PXK: variants seen among roughly 807,000 people sequenced by gnomAD.
The protein encoded by PXK is PX domain containing serine/threonine kinase like.
PXK carries 35 observed loss-of-function variants against 84.7 expected under a neutral mutation model. The observed-to-expected ratio is 0.41, with a 90% CI of 0.32 to 0.55. PXK has a LOEUF of 0.55. PXK is among the 20% of genes least tolerant of loss of function. PXK has a pLI of 0.21. For missense variants in PXK, 634 were observed against 699.7 expected (o/e 0.91, Z 1.06); for synonymous variants, 253 against 260.8 (o/e 0.97, Z 0.29).
intron 1 of PXK, among the ~76,000 whole-genome samples, chr3:58,349,521 A>G (rs1030085445): frequency 1.3e-5 from 2 of 151,670 alleles, no homozygotes; most frequent in Non-Finnish European, 2.9e-5. Context: ...ACGCCTGGCT[A>G]ATTTTTGTAT....
In PXK at chr3:58,384,785, T is replaced by C. The variant is rs1233593462; in HGVS notation, c.388+2085T>C. Among the ~76,000 whole-genome samples, 3 of 152,322 alleles carry C rather than the reference T, an allele frequency of 2.0e-5. No homozygotes were observed. In the South Asian group the frequency reaches 6.2e-4, roughly 32 times the overall value. On this transcript the variant is annotated intron_variant, in intron 4 of 17. Transcript: ENST00000356151. ...GATGCCATTTATTCAACAAATGTGATGTGTGCTGGGTGTTGGGATGCAGGC... is the reference window on the plus strand; with the variant it reads ...GATGCCATTTATTCAACAAATGTGACGTGTGCTGGGTGTTGGGATGCAGGC...
Position 58,397,305 on chromosome 3 carries a change from G to C in PXK, c.984+105G>C, listed in dbSNP as rs2057839041. On this transcript the variant is annotated intron_variant, in intron 10 of 17. Transcript: ENST00000356151. The surrounding 1 kb of genome is among the most constrained non-coding windows in gnomAD (Gnocchi z 4.7). ...GCACCAAGTAGTGAAAGGTATAGTT[G>C]GGACAGGCCTTGCCCGTCAGCCCTT... 4 of 1,354,414 alleles carry C rather than the reference G, an allele frequency of 3.0e-6. No individual in the cohort carries two copies. The highest frequency in any genetic ancestry group is 4.1e-6 in the Non-Finnish European group (4 of 972,228). The allele number at this position is 1,354,414 out of a possible 1,614,324, so 83.9% of individuals were successfully genotyped here. A position where few individuals can be genotyped will look rare whatever the true frequency, so the allele number is the denominator to read the frequency against.
intron 1 of PXK, among the ~76,000 whole-genome samples, chr3:58,362,748 C>G (rs1342914564): frequency 2.0e-5 from 3 of 152,198 alleles, no homozygotes; most frequent in Non-Finnish European, 4.4e-5. Context: ...AGGTCTTGCT[C>G]TCTTGCCCAG....
intron 1 of PXK, among the ~76,000 whole-genome samples, chr3:58,342,433 A>G (rs2097753325): frequency 2.6e-5 from 4 of 152,154 alleles, no homozygotes; most frequent in Non-Finnish European, 5.9e-5. Context: ...GCTTGAGTTC[A>G]AGACCAGCCT....
At position 58,408,695 on chromosome 3, in the gene PXK, TG is replaced by T. The variant is rs1300009168; in HGVS notation, c.1231-228del. On this transcript the variant is annotated intron_variant, in intron 13 of 17. Transcript: ENST00000356151. ...CCACCACCACGCCCGGCTAATTTTTTGTATTTTTAGTAGAGATGGGATTTCA... is the reference window on the plus strand; with the variant it reads ...CCACCACCACGCCCGGCTAATTTTTTTATTTTTAGTAGAGATGGGATTTCA... Among the ~76,000 whole-genome samples, 6 of 152,244 alleles carry T rather than the reference TG, an allele frequency of 3.9e-5. No individual in the cohort carries two copies. The East Asian group carries it at 1.2e-3, about 29-fold the overall frequency.
intron 3 of PXK, among the ~76,000 whole-genome samples, chr3:58,376,213 G>C (rs2098440618): frequency 6.6e-6 from 1 of 152,048 alleles, no homozygotes. Flanking sequence ...TCAAGAGTTT[G>C]AGACCAGCCT....
chr3:58,347,874 G>A (rs2097850641), intron 1 of PXK, among the ~76,000 whole-genome samples: 1 of 152,108 alleles, frequency 6.6e-6, no homozygotes, highest in South Asian at 2.1e-4. Context: ...AAAATGAGGT[G>A]CAAAAAGAGT....
rs1461383225 is a variant in PXK at position 58,397,055 on chromosome 3, A to G, written c.839A>G (p.His280Arg). 3 of 1,614,004 alleles carry G rather than the reference A, an allele frequency of 1.9e-6. No homozygotes were observed. Among genetic ancestry groups the G allele is most frequent in the South Asian group, 1.1e-5 (1 of 91,076 alleles). The change falls in exon 10 of 18, where the codon CAT becomes CGT. Residue 280 changes from histidine to arginine, a missense_variant. Coordinates refer to ENST00000356151, the MANE Select transcript of PXK (RefSeq NM_017771.5). The surrounding 1 kb of genome is among the most constrained non-coding windows in gnomAD (Gnocchi z 4.7). Reference sequence around the variant, plus strand: ...TTTTGATAGGTACTGAAGTTTCTTCATGACAAGGGATTCCCTTATGGGCAT... The same window carrying G: ...TTTTGATAGGTACTGAAGTTTCTTCGTGACAAGGGATTCCCTTATGGGCAT... The part of the protein sequence containing the change: ...RQILEVLKFL[H>R]DKGFPYGHLH...
rs1043310944 is a variant in PXK at position 58,399,814 on chromosome 3, C to T, written c.1181+437C>T. Among the ~76,000 whole-genome samples, 9 of 151,936 alleles carry T rather than the reference C, an allele frequency of 5.9e-5. No homozygotes were observed. The highest frequency in any genetic ancestry group is 1.2e-4 in the Non-Finnish European group (8 of 68,016). On this transcript the variant is annotated intron_variant, in intron 12 of 17. Coordinates refer to ENST00000356151, the MANE Select transcript of PXK (RefSeq NM_017771.5). The surrounding 1 kb of genome is among the most constrained non-coding windows in gnomAD (Gnocchi z 4.3). Reference sequence around the variant, plus strand: ...GGTCTGCCCTCCAGGAAGAGGGCAACGTGTTTCTGAGCACCCATGCTTCTG... The same window carrying T: ...GGTCTGCCCTCCAGGAAGAGGGCAATGTGTTTCTGAGCACCCATGCTTCTG...
At chr3:58,357,438 C>A (rs1486905933) in intron 1 of PXK, among the ~76,000 whole-genome samples, 1 of 152,154 alleles carries the variant, frequency 6.6e-6, no homozygotes, top group Non-Finnish European at 1.5e-5. Context: ...GATAGCAATG[C>A]CTTCTGGACA....
At chr3:58,420,213 G>A (rs1476921220) in intron 17 of PXK, among the ~76,000 whole-genome samples, 2 of 152,244 alleles carry the variant, frequency 1.3e-5, no homozygotes, top group African/African-American at 4.8e-5. Context: ...TTTCTGAAGT[G>A]AGCGTCATGC....
chr3:58,421,469 T>C lies in PXK; in HGVS notation c.1529-3283T>C. ...GGTACCACGCGCCTGTAATCCCAGCTACTCGGGAGGCTGAGGCAGAGAATC... is the reference window on the plus strand; with the variant it reads ...GGTACCACGCGCCTGTAATCCCAGCCACTCGGGAGGCTGAGGCAGAGAATC... On this transcript the variant is annotated intron_variant, in intron 17 of 17. Coordinates refer to ENST00000356151, the MANE Select transcript of PXK (RefSeq NM_017771.5). The surrounding 1 kb of genome is among the most constrained non-coding windows in gnomAD (Gnocchi z 5.5). 1 of 792,114 alleles carries C rather than the reference T, an allele frequency of 1.3e-6. No individual in the cohort carries two copies. Among genetic ancestry groups the C allele is most frequent in the South Asian group, 5.7e-5 (1 of 17,462 alleles). The allele number at this position is 792,114 out of a possible 1,614,324, so 49.1% of individuals were successfully genotyped here.
At chr3:58,417,913 C>G (rs968297466) in intron 17 of PXK, among the ~76,000 whole-genome samples, 18 of 152,214 alleles carry the variant, frequency 1.2e-4, no homozygotes, top group Admixed American at 1.0e-3. Context: ...GCAATCACGG[C>G]TCACTGCAGC....
chr3:58,354,448 G>C, intron 1 of PXK, among the ~76,000 whole-genome samples: 1 of 143,264 alleles, frequency 7.0e-6, no homozygotes, highest in South Asian at 2.2e-4. Flanking sequence ...CTGCTTCCTA[G>C]TTTTTTTTTT....
At chr3:58,413,970 G>C (rs2060593415) in intron 17 of PXK, 1 of 152,302 alleles carries the variant, frequency 6.6e-6, no homozygotes, top group Non-Finnish European at 1.5e-5. Flanking sequence ...ACTTCTGGCT[G>C]AGGGTGGCTA....
At chr3:58,359,054 T>G (rs970659222) in intron 1 of PXK, among the ~76,000 whole-genome samples, 3 of 152,144 alleles carry the variant, frequency 2.0e-5, no homozygotes, top group Non-Finnish European at 4.4e-5. Flanking sequence ...AAGCACGGGT[T>G]TGGAACGTGA....
chr3:58,354,046 G>A (rs2098007371), intron 1 of PXK, among the ~76,000 whole-genome samples: 1 of 152,194 alleles, frequency 6.6e-6, no homozygotes, highest in South Asian at 2.1e-4. Context: ...GAGTTTCGGA[G>A]TGAACCCAGA....
intron 17 of PXK, among the ~76,000 whole-genome samples, chr3:58,417,163 C>CCAAATT (rs1412996194): frequency 6.6e-6 from 1 of 152,180 alleles, no homozygotes; most frequent in Non-Finnish European, 1.5e-5. Context: ...ACCTCAGCCT[C>CCAAATT]CAAATTGCTG....
rs267599916 is a variant in PXK at position 58,395,697 on chromosome 3, C to T, written c.760C>T (p.Pro254Ser). 5 of 1,613,780 alleles carry T rather than the reference C, an allele frequency of 3.1e-6. No individual in the cohort carries two copies. The South Asian group carries it at 5.5e-5, about 18-fold the overall frequency. Residue 254 changes from proline to serine, a missense_variant, in exon 9 of 18, where the codon CCT (proline) becomes TCT (serine). Pro to Ser is a moderately conservative substitution (Grantham distance 74, BLOSUM62 -1). This residue lies in a region of PXK where 353 missense variants were observed against 385.2 expected (regional missense o/e 0.92). Transcript: ENST00000356151. The stretch of plus-strand genomic sequence containing the variant: ...CCCATTTCTAAAGAAGTACTGCAAC[C>T]CTAAGAAGATTCAGGGCCTGGAACT... ...KDPFLKKYCNPKKIQGLELQQ... is the reference protein window; with the variant it reads ...KDPFLKKYCNSKKIQGLELQQ...
Sources: allele counts gnomAD v4.1 joint callset (sites outside exome capture counted in the v4.1 genomes callset), GRCh38; gene constraint gnomAD v4.1.1; regional missense constraint gnomAD v4.1.1; non-coding constraint Gnocchi (gnomAD v3.1); transcripts MANE v1.5; gene names NCBI Gene and HGNC (gene_info 2026-07-23, HGNC 2026-07-21).